Variants in CETN2 observed in about 807,000 individuals in gnomAD.
The protein encoded by CETN2 is centrin-2.
A neutral mutation model predicts 12.6 loss-of-function variants in CETN2; 2 were observed. The observed-to-expected ratio is 0.16, with a 90% CI of 0.07 to 0.50. The LOEUF (loss-of-function observed/expected upper bound fraction) is 0.50, where lower values mean the gene tolerates loss of function less well. CETN2 is among the 20% of genes least tolerant of loss of function. CETN2 has a pLI of 0.96. For missense variants in CETN2, 81 were observed against 128.3 expected (o/e 0.63, Z 1.78); for synonymous variants, 41 against 43.4 (o/e 0.94, Z 0.22).
intron 4 of CETN2, 100 bp from the exon 5 acceptor site, chrX:152,828,030 C>A: frequency 1.6e-6 from 1 of 626,572 alleles, no homozygotes; most frequent in Admixed American, 3.1e-5. Flanking sequence ...TCTATGCTGC[C>A]CACACTGGTC....
Position 152,830,048 on chromosome X carries a change from TG to T in CETN2, c.4-289del, listed in dbSNP as rs1331924729. On this transcript the variant is annotated intron_variant, in intron 1 of 4. Transcript: ENST00000370277. ...CCCAAAAGAGAGCCAGTCAAGAAGA[TG>T]ACTGTGAATAACTAGAGATAATCAG... Among the ~76,000 whole-genome samples, 4 of 111,950 alleles carry T rather than the reference TG, an allele frequency of 3.6e-5. No homozygotes were observed. In the South Asian group the frequency reaches 1.5e-3, roughly 42 times the overall value.
At chrX:152,830,409 CA>C (rs1288755406) in intron 1 of CETN2, among the ~76,000 whole-genome samples, 1 of 113,157 alleles carries the variant, frequency 8.8e-6, no homozygotes, top group Admixed American at 9.2e-5. Flanking sequence ...CTGAGAGAGT[CA>C]GGGGCCTGTG....
At position 152,827,757 on chromosome X, in the gene CETN2, G is replaced by T; in HGVS notation, c.*84C>A. On this transcript the variant is annotated 3_prime_UTR_variant, in exon 5 of 5. Coordinates refer to ENST00000370277, the MANE Select transcript of CETN2 (RefSeq NM_004344.3). ...AGGGAGGTCCGTGGGGGAAAAGTTTGTGTTCTCAAAAGCCAGATTTCACAC... is the reference window on the plus strand; with the variant it reads ...AGGGAGGTCCGTGGGGGAAAAGTTTTTGTTCTCAAAAGCCAGATTTCACAC... The T allele has an allele frequency of 1.2e-6, 1 of 824,683 alleles. No homozygotes were observed. 68.0% of individuals were successfully genotyped at this position (824,683 alleles called of 1,213,427 possible).
chrX:152,829,584 G>A lies in CETN2; in HGVS notation c.162+18C>T, dbSNP rs782077057. On this transcript the variant is annotated intron_variant, in intron 2 of 4. Transcript: ENST00000370277. ...AGAGGAAAGGAAGGGCAGTACGGCA[G>A]GAATGCACAGAGCTTGCCTTCAGTT... The A allele has an allele frequency of 2.5e-6, 3 of 1,176,915 alleles. No individual in the cohort carries two copies. Among genetic ancestry groups the A allele is most frequent in the Non-Finnish European group, 3.4e-6 (3 of 874,394 alleles).
At chrX:152,829,851 A>C (rs1255968054) in intron 1 of CETN2, 91 bp from the exon 2 acceptor site, 1 of 752,479 alleles carries the variant, frequency 1.3e-6, no homozygotes, top group Non-Finnish European at 1.8e-6. Context: ...TGTATTTTTA[A>C]AGTCATTTAT....
chrX:152,827,971 G>T, intron 4 of CETN2, 41 bp from the exon 5 acceptor site: 1 of 1,080,758 alleles, frequency 9.3e-7, no homozygotes, highest in Non-Finnish European at 1.3e-6. Context: ...ATAAACTAAT[G>T]CCAAAAGGTG....
intron 4 of CETN2, 148 bp downstream of exon 4, chrX:152,828,389 C>G (rs1932971227): frequency 1.6e-6 from 1 of 623,983 alleles, no homozygotes; most frequent in East Asian, 3.3e-5. Context: ...GTTTGTCTGA[C>G]TATTAAAGGA....
In CETN2 at chrX:152,827,794, C is replaced by T; in HGVS notation, c.*47G>A. ...GCCAGATTTCACACCATGGCAGGCACTAAATCTAGTTACATGTGCTTGCAG... is the reference window on the plus strand; with the variant it reads ...GCCAGATTTCACACCATGGCAGGCATTAAATCTAGTTACATGTGCTTGCAG... On this transcript the variant is annotated 3_prime_UTR_variant, in exon 5 of 5. Transcript: ENST00000370277. The T allele has an allele frequency of 9.2e-7, 1 of 1,082,787 alleles. No individual in the cohort carries two copies. Among genetic ancestry groups the T allele is most frequent in the Non-Finnish European group, 1.3e-6 (1 of 781,538 alleles). The allele number at this position is 1,082,787 out of a possible 1,213,427, so 89.2% of individuals were successfully genotyped here.
intron 3 of CETN2, 184 bp from the exon 4 acceptor site, chrX:152,828,858 C>A: frequency 2.2e-6 from 1 of 461,563 alleles, no homozygotes; most frequent in Admixed American, 4.4e-5. Flanking sequence ...GCAAGCCAGG[C>A]ACTCCATCCA....
intron 1 of CETN2, among the ~76,000 whole-genome samples, chrX:152,830,333 A>C (rs1556843176): frequency 8.8e-6 from 1 of 113,541 alleles, no homozygotes; most frequent in Admixed American, 9.2e-5. Context: ...GTAACAGAAC[A>C]CGATACACCT....
chrX:152,828,710 G>A, intron 3 of CETN2, 36 bp from the exon 4 acceptor site: 1 of 1,177,825 alleles, frequency 8.5e-7, no homozygotes, highest in Non-Finnish European at 1.1e-6. Context: ...TGAGTAGGGG[G>A]ACACCACGGT....
At chrX:152,828,719 G>A in intron 3 of CETN2, 45 bp from the exon 4 acceptor site, 1 of 1,151,032 alleles carries the variant, frequency 8.7e-7, no homozygotes, top group African/African-American at 1.8e-5. Context: ...GGACACCACG[G>A]TTGGTTACTA....
chrX:152,828,664 T>A lies in CETN2; in HGVS notation c.302A>T (p.Asp101Val). 1 of 1,209,040 alleles carries A rather than the reference T, an allele frequency of 8.3e-7. No individual in the cohort carries two copies. The highest frequency in any genetic ancestry group is 1.1e-6 in the Non-Finnish European group (1 of 893,815). The part of the protein sequence containing the change: ...TVMTQKMSEK[D>V]TKEEILKAFK... ...AGCTTTCAGGATTTCTTCTTTAGTA[T>A]CTTTCTCAGACTTAACAAGTAGAAC... The change falls in exon 4 of 5, where the codon GAT (aspartate) becomes GTT (valine). Residue 101 changes from aspartate (D) to valine (V), a missense_variant. Asp to Val is a radical substitution (Grantham distance 152, BLOSUM62 -3). Coordinates refer to ENST00000370277, the MANE Select transcript of CETN2 (RefSeq NM_004344.3).
Position 152,827,694 on chromosome X carries a change from C to T in CETN2, c.*147G>A, listed in dbSNP as rs149930019. On this transcript the variant is annotated 3_prime_UTR_variant, in exon 5 of 5. Transcript: ENST00000370277. ...TGTAATATCAAAGAACACTTCCAAA[C>T]GGCTAAAATAGGCTCAAGGTCACTA... 9 of 452,241 alleles carry T rather than the reference C, an allele frequency of 2.0e-5. No individual in the cohort carries two copies. The highest frequency in any genetic ancestry group is 3.6e-4 in the Middle Eastern group (1 of 2,762). The allele number at this position is 452,241 out of a possible 1,213,427, so 37.3% of individuals were successfully genotyped here. A position where few individuals can be genotyped will look rare whatever the true frequency, so the allele number is the denominator to read the frequency against.
intron 3 of CETN2, 143 bp downstream of exon 3, chrX:152,829,006 G>A: frequency 1.4e-6 from 1 of 690,915 alleles, no homozygotes; most frequent in Non-Finnish European, 2.2e-6. Flanking sequence ...GGAGCCCAAA[G>A]TAACATGATG....
Position 152,827,716 on chromosome X carries a change from A to T in CETN2, c.*125T>A. 3.8e-6 allele frequency: 2 copies of T among 525,147 alleles called. No individual in the cohort carries two copies. Among genetic ancestry groups the T allele is most frequent in the Non-Finnish European group, 6.4e-6 (2 of 314,027 alleles). The allele number at this position is 525,147 out of a possible 1,213,427, so 43.3% of individuals were successfully genotyped here. A position where few individuals can be genotyped will look rare whatever the true frequency, so the allele number is the denominator to read the frequency against. On this transcript the variant is annotated 3_prime_UTR_variant, in exon 5 of 5. Transcript: ENST00000370277. ...AAACGGCTAAAATAGGCTCAAGGTC[A>T]CTATTAAAGTGATAAAGGGAGGTCC...
At position 152,827,606 on chromosome X, in the gene CETN2, G is replaced by T; in HGVS notation, c.*235C>A. The T allele has an allele frequency of 3.2e-6, 1 of 317,372 alleles. No individual in the cohort carries two copies. The allele number at this position is 317,372 out of a possible 1,213,427, so 26.2% of individuals were successfully genotyped here. On this transcript the variant is annotated 3_prime_UTR_variant, in exon 5 of 5. Coordinates refer to ENST00000370277, the MANE Select transcript of CETN2 (RefSeq NM_004344.3). ...AAAGCTTTAAGATCCTTTTCTTCACGCTTGTGTGCTCTTGTTTTGCTTTTG... is the reference window on the plus strand; with the variant it reads ...AAAGCTTTAAGATCCTTTTCTTCACTCTTGTGTGCTCTTGTTTTGCTTTTG...
rs782285029 is a variant in CETN2, at chrX:152,829,135, T to C, written c.291+14A>G. On this transcript the variant is annotated intron_variant, in intron 3 of 4. Transcript: ENST00000370277. The stretch of plus-strand genomic sequence containing the variant: ...CTGGGGCTCCATACCATGATAATTG[T>C]CTTAGCTACTTACCATTTTCTGGGT... The C allele has an allele frequency of 1.7e-6, 2 of 1,207,688 alleles. No homozygotes were observed. Among genetic ancestry groups the C allele is most frequent in the Admixed American group, 2.2e-5 (1 of 45,531 alleles).
chrX:152,827,820 T>A lies in CETN2; in HGVS notation c.*21A>T. On this transcript the variant is annotated 3_prime_UTR_variant, in exon 5 of 5. Transcript: ENST00000370277. ...TAAATCTAGTTACATGTGCTTGCAG[T>A]AGAAAAAGAAGACACTGATCTTAAT... 8.5e-7 allele frequency: 1 copy of A among 1,175,420 alleles called. No homozygotes were observed. Among genetic ancestry groups the A allele is most frequent in the Non-Finnish European group, 1.2e-6 (1 of 863,968 alleles).
Sources: allele counts gnomAD v4.1 joint callset (sites outside exome capture counted in the v4.1 genomes callset), GRCh38; gene constraint gnomAD v4.1.1; transcripts MANE v1.5; gene names NCBI Gene and HGNC (gene_info 2026-07-23, HGNC 2026-07-21).